Variants in ANO10 observed in about 807,000 individuals in gnomAD.
ANO10 encodes anoctamin 10.
Under a neutral mutation model 74.7 loss-of-function variants are expected in ANO10, and 77 were observed. The ratio of observed to expected loss-of-function variants is 1.03; its 90% CI spans 0.86 to 1.25. ANO10 has a LOEUF of 1.25. ANO10 is among the 50% of genes most tolerant of loss of function. The probability of loss-of-function intolerance (pLI) is 0.00; values close to 1 mark genes in which losing one functional copy is unlikely to be tolerated. For synonymous variants in ANO10, 279 were observed against 284.9 expected (o/e 0.98, Z 0.21); for missense variants, 721 against 778.1 (o/e 0.93, Z 0.87).
chr3:43,598,492 A>T, intron 4 of ANO10, 40 bp downstream of exon 4: 1 of 1,604,436 alleles, frequency 6.2e-7, no homozygotes, highest in Non-Finnish European at 8.5e-7. Context: ...TTTGCTATTT[A>T]TGTCTATTAA....
At chr3:43,628,648 C>A (rs1190790087) in intron 1 of ANO10, among the ~76,000 whole-genome samples, 1 of 152,234 alleles carries the variant, frequency 6.6e-6, no homozygotes, top group East Asian at 1.9e-4. Context: ...TCCCTGAATT[C>A]TTTTTCTCAG....
intron 11 of ANO10, among the ~76,000 whole-genome samples, chr3:43,522,384 T>C (rs1159108859): frequency 2.0e-5 from 3 of 152,230 alleles, no homozygotes; most frequent in Admixed American, 6.5e-5. Flanking sequence ...CCATTCTTTA[T>C]GATCATAGCA....
chr3:43,496,779 C>T (rs1302469428), intron 11 of ANO10, among the ~76,000 whole-genome samples: 1 of 152,036 alleles, frequency 6.6e-6, no homozygotes, highest in Non-Finnish European at 1.5e-5. Flanking sequence ...TCCTTTGTCC[C>T]CCACCCCTGA....
At chr3:43,372,094 A>G (rs1013173274) in intron 12 of ANO10, among the ~76,000 whole-genome samples, 3 of 152,048 alleles carry the variant, frequency 2.0e-5, no homozygotes, top group African/African-American at 7.2e-5. Context: ...CAAAATGTAA[A>G]AATGTAAGAC....
chr3:43,673,495 G>A (rs1040390644), intron 1 of ANO10, among the ~76,000 whole-genome samples: 4 of 152,056 alleles, frequency 2.6e-5, no homozygotes, highest in Admixed American at 2.6e-4. Context: ...GATGGATTTT[G>A]CTCTTGGAAA....
rs59076957 is a variant in ANO10 at position 43,685,906 on chromosome 3, C to CT, written c.-12+5610dup. 2.6e-3 allele frequency among the ~76,000 whole-genome samples: 399 copies of CT among 152,220 alleles called. 1 individual carries two copies. The highest frequency in any genetic ancestry group is 8.8e-3 in the African/African-American group (367 of 41,516). ...TCCATCTTTTGCAGTTTTATTGTGCCTTTTTTCACACGATGTCTTAGATTT... is the reference window on the plus strand; with the variant it reads ...TCCATCTTTTGCAGTTTTATTGTGCCTTTTTTTCACACGATGTCTTAGATTT... On this transcript the variant is annotated intron_variant, in intron 1 of 3. Coordinates refer to the ANO10 transcript ENST00000413397.
intron 12 of ANO10, among the ~76,000 whole-genome samples, chr3:43,377,483 T>G (rs1336340269): frequency 1.3e-5 from 2 of 152,188 alleles, no homozygotes; most frequent in African/African-American, 4.8e-5. Flanking sequence ...CTGGAAGCCC[T>G]TGGAGCCAAG....
At chr3:43,448,949 G>T (rs2074717521) in intron 11 of ANO10, among the ~76,000 whole-genome samples, 1 of 146,088 alleles carries the variant, frequency 6.8e-6, no homozygotes, top group Admixed American at 7.1e-5. Context: ...TCGGCTCATT[G>T]CAACTTCTGC....
intron 1 of ANO10, among the ~76,000 whole-genome samples, chr3:43,607,367 A>G (rs1008740682): frequency 6.6e-6 from 1 of 152,130 alleles, no homozygotes; most frequent in East Asian, 1.9e-4. Context: ...AAACAAAAAA[A>G]AAACCAAGGC....
At chr3:43,458,094 T>C (rs1377891420) in intron 11 of ANO10, among the ~76,000 whole-genome samples, 2 of 152,196 alleles carry the variant, frequency 1.3e-5, no homozygotes, top group Admixed American at 1.3e-4. Flanking sequence ...AGAACTCTCA[T>C]TTTGTTCCTA....
chr3:43,444,981 G>A (rs1254303020), intron 11 of ANO10, among the ~76,000 whole-genome samples: 2 of 151,974 alleles, frequency 1.3e-5, no homozygotes, highest in African/African-American at 2.4e-5. Context: ...AAATTAGCCA[G>A]GCCTGGTGAC....
In ANO10 at chr3:43,667,880, T is replaced by C. The variant is rs139445411; in HGVS notation, c.-12+23637A>G. Among the ~76,000 whole-genome samples the C allele has an allele frequency of 3.3e-4, 50 of 152,296 alleles. No individual in the cohort carries two copies. The East Asian group carries it at 5.4e-3, about 16-fold the overall frequency. ...TTAGGTTGGTTCTACATCTTTACAA[T>C]TGCCAATCATGGAGAAACATGTGTG... On this transcript the variant is annotated intron_variant, in intron 1 of 3. Coordinates refer to the ANO10 transcript ENST00000413397.
At chr3:43,385,554 T>A (rs2092091347) in intron 12 of ANO10, among the ~76,000 whole-genome samples, 1 of 152,130 alleles carries the variant, frequency 6.6e-6, no homozygotes, top group Non-Finnish European at 1.5e-5. Context: ...GTGGTGTATA[T>A]ACCATGGAAT....
intron 1 of ANO10, among the ~76,000 whole-genome samples, chr3:43,613,882 A>T (rs965123323): frequency 2.0e-5 from 3 of 152,192 alleles, no homozygotes; most frequent in African/African-American, 7.2e-5. Flanking sequence ...AGCATGCATC[A>T]AATTATTCTA....
intron 11 of ANO10, among the ~76,000 whole-genome samples, chr3:43,489,150 T>A (rs1360584138): frequency 2.4e-5 from 3 of 126,382 alleles, no homozygotes; most frequent in Admixed American, 1.0e-4. Flanking sequence ...AAGGGGAATA[T>A]CACACTCTGG....
At chr3:43,527,203 A>G (rs985158945) in intron 11 of ANO10, among the ~76,000 whole-genome samples, 2 of 152,156 alleles carry the variant, frequency 1.3e-5, no homozygotes, top group Non-Finnish European at 2.9e-5. Context: ...TACTAATTCT[A>G]TTTCAAAATG....
chr3:43,643,700 T>A (rs2083695888), intron 1 of ANO10, among the ~76,000 whole-genome samples: 1 of 149,306 alleles, frequency 6.7e-6, no homozygotes, highest in Non-Finnish European at 1.5e-5. Context: ...TTTTTTTTTT[T>A]TTAGATGGAG....
At chr3:43,647,153 A>ATATGTG (rs371712281) in intron 1 of ANO10, among the ~76,000 whole-genome samples, 4 of 141,790 alleles carry the variant, frequency 2.8e-5, no homozygotes, top group Admixed American at 7.2e-5. Context: ...ATGTGTATAT[A>ATATGTG]TGTGTGTGTG....
intron 4 of ANO10, among the ~76,000 whole-genome samples, chr3:43,597,077 C>A (rs4408847): frequency 0.02 from 3,041 of 152,220 alleles, 65 homozygotes; most frequent in African/African-American, 0.054. Flanking sequence ...CCATCTCACA[C>A]CAGTTAAAAT....
Sources: gnomAD v4.1 joint callset for allele counts (sites outside exome capture counted in the v4.1 genomes callset) on GRCh38, gnomAD v4.1.1 for gene constraint, MANE v1.5 for transcripts, NCBI Gene and HGNC (gene_info 2026-07-23, HGNC 2026-07-21) for gene names.